The following AKNA variants were observed in gnomAD, a reference collection of about 807,000 sequenced individuals.
The protein encoded by AKNA is AT-hook transcription factor.
In AKNA, 67 loss-of-function variants were observed where a neutral mutation model predicts 138.8. The observed-to-expected ratio is 0.48, with a 90% confidence interval of 0.40 to 0.59. The LOEUF is 0.59. Among genes scored for constraint, AKNA ranks in the 20% least tolerant of loss-of-function variants. The pLI is 0.00. For missense variants in AKNA, 1,813 were observed against 1,880.4 expected (o/e 0.96, Z 0.66); for synonymous variants, 737 against 754.4 (o/e 0.98, Z 0.38).
At chr9:114,332,865 T>C (rs1311492837), downstream of AKNA, among the ~76,000 whole-genome samples, 2 of 152,146 alleles carry the variant, frequency 1.3e-5, no homozygotes, top group Non-Finnish European at 2.9e-5. Flanking sequence ...TGAGCTCCCA[T>C]TGTAGAGGCA....
intron 10 of AKNA, 22 bp downstream of exon 10, chr9:114,359,874 G>A: frequency 6.2e-7 from 1 of 1,614,184 alleles, no homozygotes; most frequent in Non-Finnish European, 8.5e-7. Context: ...AGACACCCTG[G>A]TCAGGTCCAG....
In AKNA at chr9:114,360,029, G is replaced by A; in HGVS notation, c.2158C>T (p.Pro720Ser). The A allele has an allele frequency of 6.2e-7, 1 of 1,614,204 alleles. No individual in the cohort carries two copies. Among genetic ancestry groups the A allele is most frequent in the East Asian group, 2.2e-5 (1 of 44,886 alleles). The change falls in exon 10 of 22, where the codon CCC becomes TCC. Residue 720 changes from proline (P) to serine (S), a missense_variant. By Grantham distance (74) the Pro-to-Ser change is moderately conservative. Transcript: ENST00000374088. ...TCCACATTTACGTGCAATGGGCAGG[G>A]GCCAGTGCTGGCGGCGGCAGTGGTG... ...ATTTAAASTG[P>S]CPLHVNVEVS...
Position 114,356,950 on chromosome 9 carries a change from G to A in AKNA, c.2759C>T (p.Pro920Leu). Residue 920 changes from proline (P) to leucine (L), a missense_variant, in exon 13 of 22, where the codon CCA becomes CTA. Transcript: ENST00000374088. ...GCCCACAAAGCCACTGTCTGTCTCT[G>A]GGGACGCCATCCAGGTCTCCTGAAA... ...PHLEETWMAS[P>L]ETDSGFVGSE... 6.3e-7 allele frequency: 1 copy of A among 1,581,694 alleles called. No individual in the cohort carries two copies. The highest frequency in any genetic ancestry group is 1.2e-5 in the South Asian group (1 of 86,480).
chr9:114,365,690 A>G (rs1411509040), intron 6 of AKNA, among the ~76,000 whole-genome samples: 5 of 152,226 alleles, frequency 3.3e-5, no homozygotes, highest in Non-Finnish European at 5.9e-5. Context: ...TATTTTATTT[A>G]GCCCCAAATA....
chr9:114,388,061 C>A (rs1834175941), upstream of AKNA: 1 of 269,434 alleles, frequency 3.7e-6, no homozygotes, highest in Non-Finnish European at 8.1e-6. Context: ...GCCGCCTCGC[C>A]TCGGCAGGAA....
At chr9:114,384,099 T>C (rs1833870656) in intron 1 of AKNA, among the ~76,000 whole-genome samples, 1 of 152,234 alleles carries the variant, frequency 6.6e-6, no homozygotes, top group African/African-American at 2.4e-5. Flanking sequence ...TTGGCTAAGA[T>C]CACCCAGCTA....
chr9:114,361,423 G>A (rs1266285571), intron 9 of AKNA, among the ~76,000 whole-genome samples: 9 of 151,974 alleles, frequency 5.9e-5, no homozygotes, highest in African/African-American at 1.7e-4. Flanking sequence ...CTCCTTCAGT[G>A]CACTGACCAA....
At chr9:114,396,074 G>C (rs1004499207), upstream of AKNA, among the ~76,000 whole-genome samples, 2 of 152,136 alleles carry the variant, frequency 1.3e-5, no homozygotes, top group Non-Finnish European at 2.9e-5. Flanking sequence ...ATATAATCTA[G>C]ATGATCAACA....
In AKNA at chr9:114,368,460, G is replaced by T. The variant is rs572280271; in HGVS notation, c.1552C>A (p.Pro518Thr). ...TCACCTGAGGCCGCAGAGGCCTGGG[G>T]GTCCTCGGCCGGGCCCGGCCACCAC... ...AEWWPGPAEDPQASAASGWPS... is the reference protein window; with the variant it reads ...AEWWPGPAEDTQASAASGWPS... The change falls in exon 5 of 22, where the codon CCC (proline) becomes ACC (threonine). Residue 518 changes from proline (P) to threonine (T), a missense_variant. Pro to Thr is a conservative substitution (Grantham distance 38). Transcript: ENST00000374088. The T allele has an allele frequency of 2.3e-6, 3 of 1,330,734 alleles. No individual in the cohort carries two copies. Among genetic ancestry groups the T allele is most frequent in the Non-Finnish European group, 1.9e-6 (2 of 1,030,794 alleles). 82.4% of individuals were successfully genotyped at this position (1,330,734 alleles called of 1,614,324 possible).
chr9:114,388,538 A>C (rs1834203532), upstream of AKNA, among the ~76,000 whole-genome samples: 2 of 152,230 alleles, frequency 1.3e-5, no homozygotes, highest in Admixed American at 1.3e-4. Context: ...GTGGTCCTGC[A>C]GCCAGAGTGG....
intron 4 of AKNA, among the ~76,000 whole-genome samples, chr9:114,372,112 T>A (rs562827949): frequency 2.2e-4 from 34 of 152,296 alleles, no homozygotes; most frequent in African/African-American, 6.5e-4. Context: ...GAGATGATAG[T>A]ATCATCCTGC....
At chr9:114,346,894 A>G (rs1830727372) in intron 16 of AKNA, 110 bp from the exon 17 acceptor site, 1 of 896,092 alleles carries the variant, frequency 1.1e-6, no homozygotes, top group South Asian at 1.6e-5. Flanking sequence ...GATGGAAGGA[A>G]GAGAGTATAG....
Position 114,369,910 on chromosome 9 carries a change from C to T in AKNA, c.1417-1315G>A, listed in dbSNP as rs574410012. Among the ~76,000 whole-genome samples the T allele has an allele frequency of 7.9e-4, 121 of 152,322 alleles. 1 individual carries two copies. The highest frequency in any genetic ancestry group is 2.9e-3 in the African/African-American group (119 of 41,568). On this transcript the variant is annotated intron_variant, in intron 4 of 21. Transcript: ENST00000374088. ...TAACCATCACCGTCATCATCGTAAC[C>T]ATCACCATTATCACCATCACCGTTA... is the stretch of plus-strand genomic sequence containing the variant.
At chr9:114,375,739 G>A (rs1833121191) in intron 3 of AKNA, among the ~76,000 whole-genome samples, 1 of 151,860 alleles carries the variant, frequency 6.6e-6, no homozygotes, top group Non-Finnish European at 1.5e-5. Context: ...GGATGCGGGG[G>A]GTAGGTACAT....
intron 7 of AKNA, 106 bp from the exon 8 acceptor site, chr9:114,362,639 T>G (rs1296661286): frequency 7.3e-6 from 10 of 1,375,642 alleles, no homozygotes; most frequent in Non-Finnish European, 9.6e-6. Flanking sequence ...GGGATGCACC[T>G]GGGCCCCTGG....
chr9:114,390,700 GCTGCTGCAGCCT>G (rs1170644617), upstream of AKNA, among the ~76,000 whole-genome samples: 1 of 152,168 alleles, frequency 6.6e-6, no homozygotes, highest in Non-Finnish European at 1.5e-5. Context: ...CAAGCTGGCC[GCTGCTGCAGCCT>G]CTTCTCCCAC....
rs1588951519 is a variant in AKNA at position 114,346,797 on chromosome 9, AAG to A, written c.3399-15_3399-14del. 2 of 1,605,818 alleles carry A rather than the reference AAG, an allele frequency of 1.2e-6. No individual in the cohort carries two copies. Among genetic ancestry groups the A allele is most frequent in the Middle Eastern group, 1.7e-4 (1 of 6,046 alleles). On this transcript the variant is annotated splice_polypyrimidine_tract_variant and intron_variant, in intron 16 of 21. Transcript: ENST00000374088. The stretch of plus-strand genomic sequence containing the variant: ...CTCTGTGGATTTACTAGCAAAAGGA[AAG>A]AGAGATGATGTCATTGGATGAGGTT...
At chr9:114,340,623 G>T (rs1830277884) in intron 21 of AKNA, among the ~76,000 whole-genome samples, 1 of 152,170 alleles carries the variant, frequency 6.6e-6, no homozygotes, top group South Asian at 2.1e-4. Context: ...CCATTTAACA[G>T]ATGGGGAAGT....
At chr9:114,346,933 T>C (rs1346963452) in intron 16 of AKNA, 149 bp from the exon 17 acceptor site, 15 of 639,840 alleles carry the variant, frequency 2.3e-5, no homozygotes, top group Middle Eastern at 5.4e-4. Flanking sequence ...GAAGTCAGTT[T>C]CACAGAAAAT....
Sources: gnomAD v4.1 joint callset for allele counts (sites outside exome capture counted in the v4.1 genomes callset) on GRCh38, gnomAD v4.1.1 for gene constraint, MANE v1.5 for transcripts, NCBI Gene and HGNC (gene_info 2026-07-23, HGNC 2026-07-21) for gene names.